SLC17A4: variants seen among roughly 807,000 people sequenced by gnomAD.
SLC17A4 encodes the protein probable small intestine urate exporter.
A neutral mutation model predicts 52.5 loss-of-function variants in SLC17A4; 33 were observed. The ratio of observed to expected loss-of-function variants is 0.63; its 90% CI spans 0.48 to 0.84. The LOEUF is 0.84. SLC17A4 is among the 40% of genes least tolerant of loss of function. The pLI is 0.00. For missense variants in SLC17A4, 585 were observed against 597.1 expected (o/e 0.98, Z 0.21); for synonymous variants, 225 against 216.2 (o/e 1.04, Z -0.36).
rs1224192050 is a variant in SLC17A4, at chr6:25,770,242, C to A, written c.473C>A (p.Ala158Glu). ...SSFLTLFIPL[A>E]ANAGVALLIV... is the part of the protein sequence containing the mutation. ...TTCCTGACCCTCTTCATTCCACTGG[C>A]AGCTAATGCGGGAGTGGCCTTGCTC... is the stretch of plus-strand genomic sequence containing the variant. The change falls in exon 4 of 12, where the codon GCA (alanine) becomes GAA (glutamate). Residue 158 changes from alanine (A) to glutamate (E), a missense_variant. By Grantham distance (107) the Ala-to-Glu change is moderately radical (BLOSUM62 -1). Transcript: ENST00000377905. 2 of 1,614,126 alleles carry A rather than the reference C, an allele frequency of 1.2e-6. No individual in the cohort carries two copies. Among genetic ancestry groups the A allele is most frequent in the South Asian group, 2.2e-5 (2 of 91,082 alleles).
chr6:25,764,661 C>T (rs1761851662), intron 2 of SLC17A4, among the ~76,000 whole-genome samples: 1 of 152,160 alleles, frequency 6.6e-6, no homozygotes, highest in African/African-American at 2.4e-5. Context: ...GCTTGTGCTC[C>T]TCAGCTTGGA....
rs1174694180 is a variant in SLC17A4 at position 25,762,058 on chromosome 6, A to G, written c.91+5A>G. ...AAGAGGAATGCTCCAGGAAAGGTAA[A>G]ATCATGCACAGTAATCTGGTAGTAA... On this transcript the variant is annotated splice_donor_5th_base_variant and intron_variant, in intron 2 of 11. Coordinates refer to ENST00000377905, the MANE Select transcript of SLC17A4 (RefSeq NM_005495.3). 5.0e-6 allele frequency: 8 copies of G among 1,611,428 alleles called. No individual in the cohort carries two copies. Among genetic ancestry groups the G allele is most frequent in the Non-Finnish European group, 6.8e-6 (8 of 1,178,514 alleles).
intron 6 of SLC17A4, 37 bp from the exon 7 acceptor site, chr6:25,773,238 C>G: frequency 6.6e-7 from 1 of 1,505,446 alleles, no homozygotes; most frequent in Non-Finnish European, 9.2e-7. Flanking sequence ...AGAAGTACTT[C>G]AATCCATCCA....
chr6:25,757,185 C>T (rs1033001049), intron 1 of SLC17A4, among the ~76,000 whole-genome samples: 3 of 152,186 alleles, frequency 2.0e-5, no homozygotes, highest in African/African-American at 7.2e-5. Flanking sequence ...CTGTCAGTTG[C>T]TTACTTACCA....
In SLC17A4 at chr6:25,779,870, G is replaced by C. The variant is rs1763216052; in HGVS notation, c.*682G>C. 6.6e-6 allele frequency: 1 copy of C among 152,156 alleles called. No homozygotes were observed. Among genetic ancestry groups the C allele is most frequent in the African/African-American group, 2.4e-5 (1 of 41,414 alleles). The allele number at this position is 152,156 out of a possible 1,614,324, so 9.4% of individuals were successfully genotyped here. A position where few individuals can be genotyped will look rare whatever the true frequency, so the allele number is the denominator to read the frequency against. On this transcript the variant is annotated 3_prime_UTR_variant, in exon 12 of 12. Transcript: ENST00000377905. ...TTGGCTTTGTGCAGATCTTTAACAT[G>C]TTAGTGAACAGACATTGCCCAGTGT...
Position 25,779,175 on chromosome 6 carries a change from T to C in SLC17A4, c.1481T>C (p.Phe494Ser). Reference sequence around the variant, plus strand: ...CAGGACTGGGCTAAAGAGCAGACATTCACCCACCTCTGAGCAAACCGAGAG... The same window carrying C: ...CAGGACTGGGCTAAAGAGCAGACATCCACCCACCTCTGAGCAAACCGAGAG... ...DVQDWAKEQT[F>S]THL Residue 494 changes from phenylalanine (F) to serine (S), a missense_variant, in exon 12 of 12, where the codon TTC (phenylalanine) becomes TCC (serine). Coordinates refer to ENST00000377905, the MANE Select transcript of SLC17A4 (RefSeq NM_005495.3). 1 of 1,613,710 alleles carries C rather than the reference T, an allele frequency of 6.2e-7. No homozygotes were observed. Among genetic ancestry groups the C allele is most frequent in the South Asian group, 1.1e-5 (1 of 91,044 alleles).
chr6:25,775,847 A>C (rs1762867235), intron 8 of SLC17A4, among the ~76,000 whole-genome samples: 1 of 152,212 alleles, frequency 6.6e-6, no homozygotes, highest in Non-Finnish European at 1.5e-5. Context: ...ATATGCCGCT[A>C]TGCTTATATA....
At chr6:25,767,465 G>A (rs1762117853) in intron 2 of SLC17A4, among the ~76,000 whole-genome samples, 1 of 152,024 alleles carries the variant, frequency 6.6e-6, no homozygotes, top group African/African-American at 2.4e-5. Flanking sequence ...CAAAATTTGG[G>A]GGCCACAGAG....
At chr6:25,756,670 A>G (rs1761044225) in intron 1 of SLC17A4, among the ~76,000 whole-genome samples, 1 of 152,190 alleles carries the variant, frequency 6.6e-6, no homozygotes, top group South Asian at 2.1e-4. Flanking sequence ...AAAAACTGGC[A>G]ATTGATTTCT....
chr6:25,768,190 G>A (rs1371619982), intron 2 of SLC17A4: 1 of 171,754 alleles, frequency 5.8e-6, no homozygotes, highest in Non-Finnish European at 1.2e-5. Context: ...TTGAACCAAA[G>A]GTAAGAGCTA....
intron 5 of SLC17A4, 110 bp downstream of exon 5, chr6:25,770,581 T>A: frequency 9.8e-7 from 1 of 1,018,862 alleles, no homozygotes; most frequent in Non-Finnish European, 1.5e-6. Flanking sequence ...TTCATAGTCC[T>A]TTCCTTAAAG....
chr6:25,758,395 C>A (rs1298504505), intron 1 of SLC17A4, among the ~76,000 whole-genome samples: 1 of 152,184 alleles, frequency 6.6e-6, no homozygotes, highest in African/African-American at 2.4e-5. Context: ...AGTAATAATT[C>A]AAATTACATT....
Position 25,779,210 on chromosome 6 carries a change from A to G in SLC17A4, c.*22A>G. 1 of 1,612,152 alleles carries G rather than the reference A, an allele frequency of 6.2e-7. No individual in the cohort carries two copies. Among genetic ancestry groups the G allele is most frequent in the Non-Finnish European group, 8.5e-7 (1 of 1,179,016 alleles). On this transcript the variant is annotated 3_prime_UTR_variant, in exon 12 of 12. Coordinates refer to ENST00000377905, the MANE Select transcript of SLC17A4 (RefSeq NM_005495.3). The stretch of plus-strand genomic sequence containing the variant: ...CTGAGCAAACCGAGAGATGTGCTAG[A>G]TCCTGGTGCTTAGTTCATCATTGTT...
intron 1 of SLC17A4, among the ~76,000 whole-genome samples, chr6:25,761,390 C>T (rs1761516351): frequency 6.6e-6 from 1 of 152,128 alleles, no homozygotes; most frequent in Admixed American, 6.5e-5. Flanking sequence ...GATCTCAGGC[C>T]CCCACATCAC....
Position 25,779,104 on chromosome 6 carries a change from C to A in SLC17A4, c.1410C>A (p.Asn470Lys), listed in dbSNP as rs1303268993. ...TCTTCTTGCTTTCAGCTGCTGTTAA[C>A]ATATCGGGCCTGGTTTTCTACCTCA... ...RNVFLLSAAV[N>K]ISGLVFYLIF... Residue 470 changes from asparagine (N) to lysine (K), a missense_variant, in exon 12 of 12, where the codon AAC (asparagine) becomes AAA (lysine). By Grantham distance (94) the Asn-to-Lys change is moderately conservative (BLOSUM62 0). Coordinates refer to ENST00000377905, the MANE Select transcript of SLC17A4 (RefSeq NM_005495.3). The A allele has an allele frequency of 6.2e-7, 1 of 1,613,782 alleles. No homozygotes were observed. The highest frequency in any genetic ancestry group is 8.5e-7 in the Non-Finnish European group (1 of 1,179,828).
At chr6:25,766,419 T>C (rs1424013129) in intron 2 of SLC17A4, among the ~76,000 whole-genome samples, 1 of 152,218 alleles carries the variant, frequency 6.6e-6, no homozygotes, top group Non-Finnish European at 1.5e-5. Flanking sequence ...CTTCTGAAGA[T>C]GGAGCTTAGC....
intron 8 of SLC17A4, among the ~76,000 whole-genome samples, chr6:25,776,381 T>C (rs1447913909): frequency 6.6e-6 from 1 of 152,176 alleles, no homozygotes; most frequent in Admixed American, 6.5e-5. Flanking sequence ...GATTTTTATA[T>C]ATAAAGAGAG....
rs1322362997 is a variant in SLC17A4 at position 25,770,936 on chromosome 6, G to A, written c.630G>A (p.Leu210=). 6 of 1,613,784 alleles carry A rather than the reference G, an allele frequency of 3.7e-6. No homozygotes were observed. The highest frequency in any genetic ancestry group is 5.1e-6 in the Non-Finnish European group (6 of 1,179,742). The change falls in exon 6 of 12, where the codon CTG becomes CTA. Residue 210 remains leucine, a synonymous_variant. Coordinates refer to ENST00000377905, the MANE Select transcript of SLC17A4 (RefSeq NM_005495.3). The part of the protein sequence containing the change: ...LTTIAGSGSM[L]GSFIVLLAGG... ...GCCTCTTCTGTTCAGGGTCAATGCT[G>A]GGGTCCTTCATTGTTCTACTTGCTG...
intron 2 of SLC17A4, among the ~76,000 whole-genome samples, chr6:25,762,517 A>AG (rs1485411086): frequency 6.6e-6 from 1 of 152,200 alleles, no homozygotes; most frequent in Non-Finnish European, 1.5e-5. Context: ...TATAATATGC[A>AG]TTAAGGGAAA....
Sources: gnomAD v4.1 joint callset for allele counts (sites outside exome capture counted in the v4.1 genomes callset) on GRCh38, gnomAD v4.1.1 for gene constraint, MANE v1.5 for transcripts, NCBI Gene and HGNC (gene_info 2026-07-23, HGNC 2026-07-21) for gene names.